The following FRMD4B variants were observed in gnomAD, a reference collection of about 807,000 sequenced individuals.
FRMD4B encodes the protein FERM domain-containing protein 4B.
In FRMD4B, 74 loss-of-function variants were observed where a neutral mutation model predicts 141.5. That is an observed-to-expected ratio of 0.52 (90% CI 0.43 to 0.63). FRMD4B has a LOEUF of 0.63. FRMD4B is among the 30% of genes least tolerant of loss of function. The pLI is 0.00. For synonymous variants in FRMD4B, 506 were observed against 467.9 expected (o/e 1.08, Z -1.05); for missense variants, 1,366 against 1,253.4 (o/e 1.09, Z -1.36).
chr3:69,271,064 T>G (rs1317451202), intron 5 of FRMD4B, among the ~76,000 whole-genome samples: 1 of 152,200 alleles, frequency 6.6e-6, no homozygotes. Context: ...TTATATGACT[T>G]TTTTTGAGTC....
chr3:69,252,691 G>T (rs1326161255), intron 5 of FRMD4B, among the ~76,000 whole-genome samples: 1 of 152,120 alleles, frequency 6.6e-6, no homozygotes, highest in Non-Finnish European at 1.5e-5. Flanking sequence ...AGAACTCCAG[G>T]ATTTCAAGCC....
intron 17 of FRMD4B, among the ~76,000 whole-genome samples, chr3:69,192,915 T>G (rs1053558675): frequency 6.6e-6 from 1 of 152,054 alleles, no homozygotes; most frequent in African/African-American, 2.4e-5. Context: ...TTACCTGGGC[T>G]CAAATGATCC....
chr3:69,289,067 G>C (rs1323378487), intron 4 of FRMD4B, among the ~76,000 whole-genome samples: 2 of 152,164 alleles, frequency 1.3e-5, no homozygotes. Flanking sequence ...TCACTTGTAA[G>C]TGAGGTTAAT....
chr3:69,223,660 G>A lies in FRMD4B; in HGVS notation c.665+947C>T, dbSNP rs539812681. ...TTGAGACCAGCCTGATCAACATGGT[G>A]AAACCCCGACTCTACTAAAAATACA... On this transcript the variant is annotated intron_variant, in intron 8 of 22. Coordinates refer to ENST00000398540, the MANE Select transcript of FRMD4B (RefSeq NM_015123.3). Among the ~76,000 whole-genome samples the A allele has an allele frequency of 2.2e-3, 332 of 152,250 alleles. 2 individuals are homozygous for A. Among genetic ancestry groups the A allele is most frequent in the Non-Finnish European group, 3.8e-3 (260 of 68,004 alleles).
Position 69,195,361 on chromosome 3 carries a change from G to C in FRMD4B, c.1238C>G (p.Ser413Cys). ...CTCTTCACTAACTTCTGAGTCTTGA[G>C]AACCTAGGGGATGAGGGAAGGGCAG... Reference protein sequence around the residue: ...ASNGSLISSGSQDSEVSEEQK... With the variant: ...ASNGSLISSGCQDSEVSEEQK... Residue 413 changes from serine to cysteine, a missense_variant, in exon 15 of 23, where the codon TCT becomes TGT. By Grantham distance (112) the Ser-to-Cys change is moderately radical. Transcript: ENST00000398540. The C allele has an allele frequency of 1.9e-6, 3 of 1,608,220 alleles. No individual in the cohort carries two copies. Among genetic ancestry groups the C allele is most frequent in the Non-Finnish European group, 1.7e-6 (2 of 1,178,208 alleles).
In FRMD4B at chr3:69,346,127, A is replaced by G. The variant is rs572552063; in HGVS notation, c.163-32610T>C. ...GCTAACTAGAATAACCAGTGTAGAG[A>G]TGTCCTTAAATGACCTGATGGAGCT... On this transcript the variant is annotated intron_variant, in intron 1 of 22. Transcript: ENST00000398540. 6.3e-3 allele frequency among the ~76,000 whole-genome samples: 966 copies of G among 152,192 alleles called. 5 individuals carry two copies. The highest frequency in any genetic ancestry group is 8.9e-3 in the Non-Finnish European group (608 of 68,020).
At chr3:69,472,135 A>T in intron 1 of FRMD4B, 1 of 230,014 alleles carries the variant, frequency 4.3e-6, no homozygotes, top group South Asian at 7.9e-5. Context: ...TTTCTTTTTC[A>T]GGTTCATTAC....
In FRMD4B at chr3:69,186,882, CTGTT is replaced by C. The variant is rs780954835; in HGVS notation, c.1919+884_1919+887del. Among the ~76,000 whole-genome samples, 57 of 152,344 alleles carry C rather than the reference CTGTT, an allele frequency of 3.7e-4. 1 individual carries two copies. Among genetic ancestry groups the C allele is most frequent in the Non-Finnish European group, 4.9e-4 (33 of 68,034 alleles). On this transcript the variant is annotated intron_variant, in intron 19 of 22. Coordinates refer to ENST00000398540, the MANE Select transcript of FRMD4B (RefSeq NM_015123.3). The stretch of plus-strand genomic sequence containing the variant: ...TTTAGGCAAAGCAAACAGCTGGTAA[CTGTT>C]TGTTTGCTTTTTAAAGATTGATCCA...
chr3:69,186,925 TG>T (rs769296227), intron 19 of FRMD4B, among the ~76,000 whole-genome samples: 47 of 152,250 alleles, frequency 3.1e-4, no homozygotes, highest in Admixed American at 9.8e-4. Context: ...AGCCAAGTTC[TG>T]GGAACCACTG....
At chr3:69,328,184 T>TATTAAAGTAC (rs111770079) in intron 1 of FRMD4B, among the ~76,000 whole-genome samples, 3,467 of 152,342 alleles carry the variant, frequency 0.023, 118 homozygotes, top group African/African-American at 0.078. Flanking sequence ...GTACAACTAA[T>TATTAAAGTAC]ATGAACTTAC....
At chr3:69,328,547 TGAGATAG>T (rs906436170) in intron 1 of FRMD4B, among the ~76,000 whole-genome samples, 3 of 151,936 alleles carry the variant, frequency 2.0e-5, no homozygotes, top group African/African-American at 7.3e-5. Flanking sequence ...AGTCACAGGA[TGAGATAG>T]GAGGTCAGCA....
intron 1 of FRMD4B, among the ~76,000 whole-genome samples, chr3:69,533,432 A>ATGTGGGTTAT (rs1210081626): frequency 5.3e-5 from 8 of 152,202 alleles, no homozygotes; most frequent in Non-Finnish European, 1.2e-4. Context: ...CTTCTGCAGA[A>ATGTGGGTTAT]TGTGGGTTAT....
chr3:69,245,355 T>TGTGTGTGTG (rs1350634069), intron 7 of FRMD4B, among the ~76,000 whole-genome samples: 10 of 147,310 alleles, frequency 6.8e-5, no homozygotes, highest in African/African-American at 2.3e-4. Context: ...GTGTGTGTGT[T>TGTGTGTGTG]TTTAGACAGA....
At chr3:69,372,340 G>A (rs891172049) in intron 1 of FRMD4B, among the ~76,000 whole-genome samples, 1 of 152,162 alleles carries the variant, frequency 6.6e-6, no homozygotes, top group Non-Finnish European at 1.5e-5. Context: ...TGCCTGGAAG[G>A]TAATAAATAT....
chr3:69,408,609 A>T (rs1198206430), intron 2 of FRMD4B, among the ~76,000 whole-genome samples: 1 of 152,182 alleles, frequency 6.6e-6, no homozygotes, highest in African/African-American at 2.4e-5. Context: ...AAATGATATC[A>T]TAAAAAGGAC....
chr3:69,288,541 G>A (rs898026763), intron 4 of FRMD4B, among the ~76,000 whole-genome samples: 2 of 152,200 alleles, frequency 1.3e-5, no homozygotes, highest in Admixed American at 1.3e-4. Flanking sequence ...GCCCCTCTCA[G>A]GAGCGCTCTG....
intron 1 of FRMD4B, among the ~76,000 whole-genome samples, chr3:69,468,740 CA>C (rs1193726105): frequency 6.6e-6 from 1 of 152,148 alleles, no homozygotes; most frequent in Non-Finnish European, 1.5e-5. Flanking sequence ...TGACAGAGGA[CA>C]GGGGGAATGA....
At chr3:69,208,244 A>C (rs893359630) in intron 11 of FRMD4B, among the ~76,000 whole-genome samples, 1 of 152,018 alleles carries the variant, frequency 6.6e-6, no homozygotes. Flanking sequence ...TTTGTATTTT[A>C]GTAGAGACGG....
At chr3:69,536,711 C>A in intron 1 of FRMD4B, 1 of 672,358 alleles carries the variant, frequency 1.5e-6, no homozygotes, top group East Asian at 2.9e-5. Context: ...TAGTTTTATC[C>A]TTCAGTTATG....
Sources: gnomAD v4.1 joint callset for allele counts (sites outside exome capture counted in the v4.1 genomes callset) on GRCh38, gnomAD v4.1.1 for gene constraint, MANE v1.5 for transcripts, NCBI Gene and HGNC (gene_info 2026-07-23, HGNC 2026-07-21) for gene names.